KPNB1: variants seen among roughly 807,000 people sequenced by gnomAD.
KPNB1 encodes importin subunit beta-1.
In KPNB1, 7 loss-of-function variants were observed where a neutral mutation model predicts 113.0. That is an observed-to-expected ratio of 0.06 (90% confidence interval 0.04 to 0.12). The LOEUF is 0.12. KPNB1 is among the 10% of genes least tolerant of loss of function. The pLI, the probability that KPNB1 is intolerant of heterozygous loss-of-function variation, is 1.00. For synonymous variants in KPNB1, 363 were observed against 378.6 expected (o/e 0.96, Z 0.48); for missense variants, 400 against 1,054.8 (o/e 0.38, Z 8.60).
intron 3 of KPNB1, 87 bp from the exon 4 acceptor site, chr17:47,656,773 A>G: frequency 4.6e-6 from 6 of 1,298,156 alleles, no homozygotes; most frequent in Non-Finnish European, 5.5e-6. Context: ...AAAAGAATTC[A>G]GAGACACTAA....
At chr17:47,664,934 T>C (rs2030221958) in intron 8 of KPNB1, 123 bp from the exon 9 acceptor site, 1 of 726,886 alleles carries the variant, frequency 1.4e-6, no homozygotes, top group South Asian at 1.6e-5. Context: ...TCACATTGTA[T>C]GTTACCATTT....
Position 47,663,525 on chromosome 17 carries a change from G to A in KPNB1, c.786+347G>A, listed in dbSNP as rs1335072137. ...CTGAAAACACAAAAATTAGCTGAAC[G>A]TGGTGGCACGTGCCTGTAATCCCAG... On this transcript the variant is annotated intron_variant, in intron 7 of 21. Transcript: ENST00000290158. 5.9e-5 allele frequency among the ~76,000 whole-genome samples: 9 copies of A among 152,158 alleles called. 1 individual carries two copies. The South Asian group carries it at 6.2e-4, about 11-fold the overall frequency.
At chr17:47,668,562 C>T (rs145997471) in intron 10 of KPNB1, 152 bp downstream of exon 10, 2 of 666,758 alleles carry the variant, frequency 3.0e-6, no homozygotes, top group Non-Finnish European at 5.1e-6. Flanking sequence ...AAATATATTT[C>T]TTAGGTTTTT....
chr17:47,664,937 T>A, intron 8 of KPNB1, 120 bp from the exon 9 acceptor site: 1 of 741,492 alleles, frequency 1.3e-6, no homozygotes, highest in Non-Finnish European at 2.4e-6. Flanking sequence ...CATTGTATGT[T>A]ACCATTTGTC....
chr17:47,655,577 AAG>A (rs143834057), intron 3 of KPNB1, among the ~76,000 whole-genome samples: 6,723 of 152,246 alleles, frequency 0.044, 214 homozygotes, highest in Middle Eastern at 0.16. Flanking sequence ...TAGAAGGAAA[AAG>A]TTTTGTTTCA....
chr17:47,654,018 C>T (rs1219332518), intron 3 of KPNB1, among the ~76,000 whole-genome samples: 3 of 152,180 alleles, frequency 2.0e-5, no homozygotes, highest in Non-Finnish European at 4.4e-5. Flanking sequence ...AGTTTCTCAT[C>T]TTCCTTAATT....
intron 3 of KPNB1, 107 bp downstream of exon 3, chr17:47,652,983 T>C: frequency 1.3e-6 from 1 of 743,804 alleles, no homozygotes; most frequent in Non-Finnish European, 2.0e-6. Flanking sequence ...GATAGGTTTC[T>C]GGGACCTCAA....
Position 47,667,066 on chromosome 17 carries a change from A to C in KPNB1, c.1000-1120A>C, listed in dbSNP as rs570382665. Among the ~76,000 whole-genome samples, 4 of 152,300 alleles carry C rather than the reference A, an allele frequency of 2.6e-5. No individual in the cohort carries two copies. In the South Asian group the frequency reaches 8.3e-4, roughly 32 times the overall value. ...AAGCTATACCTTGGATTCTAACTTAAGAGGAGATATTAGTGGAATCTTTTC... is the reference window on the plus strand; with the variant it reads ...AAGCTATACCTTGGATTCTAACTTACGAGGAGATATTAGTGGAATCTTTTC... On this transcript the variant is annotated intron_variant, in intron 9 of 21. Coordinates refer to ENST00000290158, the MANE Select transcript of KPNB1 (RefSeq NM_002265.6).
In KPNB1 at chr17:47,656,950, C is replaced by A. The variant is rs2029928240; in HGVS notation, c.373C>A (p.Gln125Lys). 1 of 1,613,992 alleles carries A rather than the reference C, an allele frequency of 6.2e-7. No homozygotes were observed. The highest frequency in any genetic ancestry group is 1.7e-5 in the Admixed American group (1 of 59,986). ...TGCTTGTGCAGAGATCCCAGTAAAC[C>A]AGTGGCCAGAACTCATTCCTCAGCT... ...GIACAEIPVN[Q>K]WPELIPQLVA... is the part of the protein sequence containing the mutation. The change falls in exon 4 of 22, where the codon CAG becomes AAG. Residue 125 changes from glutamine to lysine, a missense_variant. By Grantham distance (53) the Gln-to-Lys change is moderately conservative. This residue lies in a region of KPNB1 where 285 missense variants were observed against 627.0 expected (regional missense o/e 0.45). Coordinates refer to ENST00000290158, the MANE Select transcript of KPNB1 (RefSeq NM_002265.6).
chr17:47,666,659 G>T (rs1034294165), intron 9 of KPNB1, among the ~76,000 whole-genome samples: 1 of 148,166 alleles, frequency 6.7e-6, no homozygotes, highest in Non-Finnish European at 1.5e-5. Flanking sequence ...TCACTCTGTT[G>T]CCAGGCTGGA....
At position 47,656,843 on chromosome 17, in the gene KPNB1, C is replaced by T. The variant is rs746718946; in HGVS notation, c.283-17C>T. The T allele has an allele frequency of 2.1e-5, 33 of 1,599,130 alleles. No homozygotes were observed. The highest frequency in any genetic ancestry group is 3.3e-5 in the Admixed American group (2 of 59,744). On this transcript the variant is annotated splice_polypyrimidine_tract_variant and intron_variant, in intron 3 of 21. Transcript: ENST00000290158. ...AGTGTTAGAAATTTGTATCTTTTGT[C>T]TTTTTTTTTGGTGCAGGTTTTGCAG...
chr17:47,665,170 T>A lies in KPNB1; in HGVS notation c.999+12T>A. 3 of 1,582,518 alleles carry A rather than the reference T, an allele frequency of 1.9e-6. No individual in the cohort carries two copies. The South Asian group carries it at 3.3e-5, about 17-fold the overall frequency. ...CACTAACTAAACAGGTGAGTTACCTTCCAAATATAGGTAGGTAAGCTGTGG... is the reference window on the plus strand; with the variant it reads ...CACTAACTAAACAGGTGAGTTACCTACCAAATATAGGTAGGTAAGCTGTGG... On this transcript the variant is annotated intron_variant, in intron 9 of 21. Transcript: ENST00000290158.
intron 4 of KPNB1, among the ~76,000 whole-genome samples, chr17:47,658,043 G>A (rs2029960004): frequency 1.3e-5 from 2 of 152,168 alleles, no homozygotes; most frequent in Non-Finnish European, 1.5e-5. Context: ...GGTAGTGCCT[G>A]TGAATAGCCA....
Position 47,652,892 on chromosome 17 carries a change from C to T in KPNB1, c.282+16C>T. 1.3e-6 allele frequency: 2 copies of T among 1,546,414 alleles called. No homozygotes were observed. Among genetic ancestry groups the T allele is most frequent in the Non-Finnish European group, 1.7e-6 (2 of 1,149,822 alleles). Reference sequence around the variant, plus strand: ...CAAGAACTATGTGAGTAACGCTTATCTGTTTGGTTATATTGCCCAGAGAAC... The same window carrying T: ...CAAGAACTATGTGAGTAACGCTTATTTGTTTGGTTATATTGCCCAGAGAAC... On this transcript the variant is annotated intron_variant, in intron 3 of 21. Transcript: ENST00000290158.
intron 2 of KPNB1, among the ~76,000 whole-genome samples, chr17:47,650,748 T>G (rs940794746): frequency 6.6e-6 from 1 of 151,918 alleles, no homozygotes; most frequent in Admixed American, 6.5e-5. Flanking sequence ...GGAAGGGAAG[T>G]TAGGTTGCGC....
chr17:47,666,168 C>G (rs1191168763), intron 9 of KPNB1, among the ~76,000 whole-genome samples: 1 of 151,996 alleles, frequency 6.6e-6, no homozygotes, highest in Non-Finnish European at 1.5e-5. Flanking sequence ...GTGTCCCACT[C>G]TAGCCTCCCC....
At chr17:47,681,940 C>T (rs1174933899) in intron 21 of KPNB1, among the ~76,000 whole-genome samples, 1 of 152,042 alleles carries the variant, frequency 6.6e-6, no homozygotes, top group East Asian at 1.9e-4. Flanking sequence ...TTAAGTGGCC[C>T]TCCTGCCTCA....
At position 47,673,642 on chromosome 17, in the gene KPNB1, G is replaced by T; in HGVS notation, c.1767+81G>T. 2.8e-6 allele frequency: 3 copies of T among 1,083,576 alleles called. No homozygotes were observed. The South Asian group carries it at 3.7e-5, about 14-fold the overall frequency. 67.1% of individuals were successfully genotyped at this position (1,083,576 alleles called of 1,614,324 possible). On this transcript the variant is annotated intron_variant, in intron 14 of 21. Coordinates refer to ENST00000290158, the MANE Select transcript of KPNB1 (RefSeq NM_002265.6). ...AGTATAACAAGTTCGTGTACACACA[G>T]AACTCGAAAATGGTATAGATGATGC...
intron 3 of KPNB1, among the ~76,000 whole-genome samples, chr17:47,653,163 G>A (rs970180494): frequency 1.3e-5 from 2 of 151,866 alleles, no homozygotes; most frequent in African/African-American, 4.8e-5. Context: ...AATGGGAGTA[G>A]TGTACAAATT....
Sources: gnomAD v4.1 joint callset for allele counts (sites outside exome capture counted in the v4.1 genomes callset) on GRCh38, gnomAD v4.1.1 for gene constraint, gnomAD v4.1.1 regional missense constraint, MANE v1.5 for transcripts, NCBI Gene and HGNC (gene_info 2026-07-23, HGNC 2026-07-21) for gene names.